The following NRXN1 variants were observed in gnomAD, a reference collection of about 807,000 sequenced individuals.
The protein encoded by NRXN1 is neurexin-1.
In NRXN1, 39 loss-of-function variants were observed where a neutral mutation model predicts 150.9. The ratio of observed to expected loss-of-function variants is 0.26; its 90% CI spans 0.20 to 0.34. The LOEUF is 0.34. NRXN1 is among the 10% of genes least tolerant of loss of function. The pLI is 1.00. For synonymous variants in NRXN1, 924 were observed against 757.0 expected (o/e 1.22, Z -3.62); for missense variants, 1,815 against 1,949.9 (o/e 0.93, Z 1.30).
intron 17 of NRXN1, among the ~76,000 whole-genome samples, chr2:50,353,966 C>T (rs2078607161): frequency 1.3e-5 from 2 of 152,142 alleles, no homozygotes; most frequent in South Asian, 4.1e-4. Context: ...CCAGGTGATG[C>T]TGAAGCTGCT....
At chr2:50,742,262 C>CAT (rs139151456) in intron 5 of NRXN1, among the ~76,000 whole-genome samples, 17,006 of 148,750 alleles carry the variant, frequency 0.11, 1,103 homozygotes, top group East Asian at 0.24. Flanking sequence ...GCAATATTTA[C>CAT]ATATATATAT....
chr2:49,981,203 C>G (rs778361809), intron 21 of NRXN1, among the ~76,000 whole-genome samples: 7 of 152,048 alleles, frequency 4.6e-5, no homozygotes, highest in Non-Finnish European at 8.8e-5. Flanking sequence ...TCACTTTGAT[C>G]CAACCTCAAG....
chr2:50,143,605 A>G (rs554999116), intron 18 of NRXN1, among the ~76,000 whole-genome samples: 46 of 151,994 alleles, frequency 3.0e-4, no homozygotes, highest in Admixed American at 1.1e-3. Flanking sequence ...TCTTCCTTTA[A>G]AAAGCTCCCA....
chr2:50,068,155 G>T (rs548193526), intron 19 of NRXN1, among the ~76,000 whole-genome samples: 3 of 151,990 alleles, frequency 2.0e-5, no homozygotes, highest in African/African-American at 7.3e-5. Flanking sequence ...TCTTCCAGTT[G>T]TAACTGGAAT....
intron 21 of NRXN1, among the ~76,000 whole-genome samples, chr2:50,027,799 A>G (rs1688589795): frequency 1.3e-5 from 2 of 152,186 alleles, no homozygotes; most frequent in African/African-American, 4.8e-5. Context: ...GGAAACTTCT[A>G]TCCTAACACC....
At chr2:50,439,594 C>T (rs1304790526) in intron 17 of NRXN1, among the ~76,000 whole-genome samples, 1 of 151,960 alleles carries the variant, frequency 6.6e-6, no homozygotes. Context: ...ATCACGAGGT[C>T]AGGAGATTGA....
At chr2:50,663,827 C>A (rs1025407963) in intron 5 of NRXN1, among the ~76,000 whole-genome samples, 1 of 151,872 alleles carries the variant, frequency 6.6e-6, no homozygotes, top group South Asian at 2.1e-4. Flanking sequence ...ATCCCAAATA[C>A]AATTTTGAGC....
At chr2:50,724,655 A>G (rs1697101600) in intron 5 of NRXN1, among the ~76,000 whole-genome samples, 1 of 152,180 alleles carries the variant, frequency 6.6e-6, no homozygotes, top group African/African-American at 2.4e-5. Context: ...GAGATTATAT[A>G]TAATATACAA....
intron 5 of NRXN1, among the ~76,000 whole-genome samples, chr2:50,879,351 T>C (rs559123916): frequency 1.3e-5 from 2 of 152,090 alleles, no homozygotes; most frequent in East Asian, 1.9e-4. Context: ...AATACTCATA[T>C]AGATTGCTTA....
At chr2:50,180,838 C>T (rs908101077) in intron 18 of NRXN1, among the ~76,000 whole-genome samples, 2 of 152,080 alleles carry the variant, frequency 1.3e-5, no homozygotes, top group Admixed American at 6.6e-5. Flanking sequence ...GTCTTGCATG[C>T]ACTGATAATT....
chr2:50,893,570 A>T (rs1418324577), intron 5 of NRXN1, among the ~76,000 whole-genome samples: 2 of 152,164 alleles, frequency 1.3e-5, no homozygotes, highest in Non-Finnish European at 1.5e-5. Flanking sequence ...CCCATGTCAT[A>T]TAACTCAAGT....
At chr2:50,443,036 G>A (rs1260382044) in intron 17 of NRXN1, among the ~76,000 whole-genome samples, 4 of 152,094 alleles carry the variant, frequency 2.6e-5, no homozygotes, top group African/African-American at 9.7e-5. Flanking sequence ...TAGTGAACGT[G>A]GGTGACTAAT....
At chr2:50,336,867 A>G (rs2077221366) in intron 17 of NRXN1, among the ~76,000 whole-genome samples, 1 of 152,290 alleles carries the variant, frequency 6.6e-6, no homozygotes, top group Admixed American at 6.5e-5. Flanking sequence ...CAATGCCTAA[A>G]AACTAATTGG....
At chr2:49,981,096 C>T (rs1442521150) in intron 21 of NRXN1, among the ~76,000 whole-genome samples, 1 of 152,124 alleles carries the variant, frequency 6.6e-6, no homozygotes, top group African/African-American at 2.4e-5. Context: ...CTAATCTCTA[C>T]ATTTCCTACT....
chr2:50,359,314 C>G (rs1415703973), intron 17 of NRXN1, among the ~76,000 whole-genome samples: 2 of 151,618 alleles, frequency 1.3e-5, no homozygotes, highest in Non-Finnish European at 2.9e-5. Flanking sequence ...CTCCTCTGAG[C>G]TAAAGGAGCA....
intron 1 of NRXN1, among the ~76,000 whole-genome samples, chr2:51,031,109 C>A (rs1168678974): frequency 2.6e-5 from 4 of 151,836 alleles, no homozygotes; most frequent in African/African-American, 9.7e-5. Flanking sequence ...TTTCCCAGTT[C>A]TTGGAGGAAG....
At chr2:50,732,062 G>A (rs1480533727) in intron 5 of NRXN1, among the ~76,000 whole-genome samples, 1 of 152,090 alleles carries the variant, frequency 6.6e-6, no homozygotes, top group Non-Finnish European at 1.5e-5. Context: ...ATATGTACGT[G>A]ACCAATGAAC....
In NRXN1 at chr2:50,497,485, G is replaced by C; in HGVS notation, c.2727C>G (p.Phe909Leu). The C allele has an allele frequency of 6.2e-7, 1 of 1,613,906 alleles. No homozygotes were observed. The highest frequency in any genetic ancestry group is 8.5e-7 in the Non-Finnish European group (1 of 1,179,838). The change falls in exon 14 of 23, where the codon TTC becomes TTG. Residue 909 changes from phenylalanine (F) to leucine (L), a missense_variant. This residue lies in a region of NRXN1 where 339 missense variants were observed against 440.3 expected (regional missense o/e 0.77). Transcript: ENST00000401669. ...FRNIIADPVT[F>L]KTKSSYVALA... ...AGGCAACATAGCTCGATTTGGTCTT[G>C]AAGGTGACAGGATCTGCTATGATGT...
At chr2:50,142,007 T>C (rs1042979303) in intron 18 of NRXN1, among the ~76,000 whole-genome samples, 19 of 152,052 alleles carry the variant, frequency 1.2e-4, no homozygotes, top group African/African-American at 4.6e-4. Context: ...CCTATCACCA[T>C]GTTTGTTGCA....
Sources: gnomAD v4.1 joint callset for allele counts (sites outside exome capture counted in the v4.1 genomes callset) on GRCh38, gnomAD v4.1.1 for gene constraint, gnomAD v4.1.1 regional missense constraint, MANE v1.5 for transcripts, NCBI Gene and HGNC (gene_info 2026-07-23, HGNC 2026-07-21) for gene names.